TMEM268: variants seen among roughly 807,000 people sequenced by gnomAD.
The protein encoded by TMEM268 is transmembrane protein 268.
A neutral mutation model predicts 39.1 loss-of-function variants in TMEM268; 24 were observed. The ratio of observed to expected loss-of-function variants is 0.61; its 90% CI spans 0.44 to 0.86. The LOEUF (loss-of-function observed/expected upper bound fraction) is 0.86. TMEM268 is among the 40% of genes least tolerant of loss of function. TMEM268 has a pLI of 0.00. For synonymous variants in TMEM268, 176 were observed against 173.5 expected (o/e 1.01, Z -0.12); for missense variants, 409 against 428.6 (o/e 0.95, Z 0.40).
rs377703138 is a variant in TMEM268 at position 114,633,874 on chromosome 9, T to C, written c.581T>C (p.Ile194Thr). ...ACAGTGGAAGGATGCCAGAGTGTGA[T>C]TCAGGTGCTGTGTCTCATAGTTACC... Reference protein sequence around the residue: ...TDTVEGCQSVIQLWFVYFDLE... With the variant: ...TDTVEGCQSVTQLWFVYFDLE... The change falls in exon 6 of 9, where the codon ATT becomes ACT. Residue 194 changes from isoleucine (I) to threonine (T), a missense_variant. Ile to Thr is a moderately conservative substitution (Grantham distance 89). Coordinates refer to ENST00000288502, the MANE Select transcript of TMEM268 (RefSeq NM_153045.4). 2 of 1,580,584 alleles carry C rather than the reference T, an allele frequency of 1.3e-6. No homozygotes were observed. The highest frequency in any genetic ancestry group is 1.7e-6 in the Non-Finnish European group (2 of 1,160,288).
In TMEM268 at chr9:114,611,534, G is replaced by GGCGGCGGCT. The variant is rs1273459454; in HGVS notation, c.-101_-100insTGCGGCGGC. ...CCCCCGACCTTCCGCGTCCCGGGGT[G>GGCGGCGGCT]GCGGCGGCGGCGGCGGCGGCGGCGC... On this transcript the variant is annotated 5_prime_UTR_variant, in exon 1 of 9. Coordinates refer to ENST00000288502, the MANE Select transcript of TMEM268 (RefSeq NM_153045.4). 1 of 47,968 alleles carries GGCGGCGGCT rather than the reference G, an allele frequency of 2.1e-5. No homozygotes were observed. The highest frequency in any genetic ancestry group is 4.9e-4 in the South Asian group (1 of 2,024). The allele number at this position is 47,968 out of a possible 1,614,324, so 3.0% of individuals were successfully genotyped here. A position where few individuals can be genotyped will look rare whatever the true frequency, so the allele number is the denominator to read the frequency against.
chr9:114,614,338 C>T (rs527288652), intron 1 of TMEM268, among the ~76,000 whole-genome samples: 47 of 152,316 alleles, frequency 3.1e-4, no homozygotes, highest in Non-Finnish European at 5.1e-4. Context: ...AGCTGAAAAT[C>T]GGGGCCAGCT....
At chr9:114,624,300 G>A in intron 2 of TMEM268, 50 bp from the exon 3 acceptor site, 2 of 1,554,944 alleles carry the variant, frequency 1.3e-6, no homozygotes, top group Non-Finnish European at 8.7e-7. Flanking sequence ...CACCCCACGA[G>A]CCTGGTATGG....
chr9:114,638,227 T>A (rs112312545), intron 7 of TMEM268, among the ~76,000 whole-genome samples: 9,491 of 152,106 alleles, frequency 0.062, 468 homozygotes, highest in South Asian at 0.19. Context: ...TTTTTAGTGG[T>A]GACTGGGTTT....
intron 5 of TMEM268, among the ~76,000 whole-genome samples, chr9:114,628,722 A>T (rs1846266791): frequency 6.6e-6 from 1 of 152,062 alleles, no homozygotes; most frequent in South Asian, 2.1e-4. Context: ...CTCTAATCCC[A>T]GCAATGACCT....
intron 5 of TMEM268, among the ~76,000 whole-genome samples, chr9:114,631,167 G>A (rs7047491): frequency 0.66 from 100,299 of 151,708 alleles, 33,608 homozygotes; most frequent in Non-Finnish European, 0.72. Context: ...TAAAATCAGC[G>A]GGGTGTGGTG....
At chr9:114,609,820 CAAA>C (rs1268815945), upstream of TMEM268, among the ~76,000 whole-genome samples, 3 of 142,408 alleles carry the variant, frequency 2.1e-5, no homozygotes. Context: ...GAAAAAGAAA[CAAA>C]GAAAGAAAGA....
rs148625500 is a variant in TMEM268, at chr9:114,628,249, A to G, written c.473A>G (p.Lys158Arg). 23 of 1,613,620 alleles carry G rather than the reference A, an allele frequency of 1.4e-5. No homozygotes were observed. In the African/African-American group the frequency reaches 2.8e-4, roughly 20 times the overall value. The change falls in exon 5 of 9, where the codon AAG becomes AGG. Residue 158 changes from lysine (K) to arginine (R), a missense_variant and splice_region_variant. Transcript: ENST00000288502. ...LVLVFERHQKKANTNTDLRLA... is the reference protein window; with the variant it reads ...LVLVFERHQKRANTNTDLRLA... ...CTGGTCTTTGAAAGACACCAGAAGA[A>G]GGTGAGATGTCTGGAGATCCCTGCC...
chr9:114,614,067 T>C (rs1694335570), intron 1 of TMEM268, among the ~76,000 whole-genome samples: 1 of 152,148 alleles, frequency 6.6e-6, no homozygotes, highest in Non-Finnish European at 1.5e-5. Flanking sequence ...CTATAGGAGG[T>C]AGACCTCTCT....
At chr9:114,627,051 A>G (rs2133649206) in intron 4 of TMEM268, 45 bp downstream of exon 4, 1 of 1,373,920 alleles carries the variant, frequency 7.3e-7, no homozygotes, top group Non-Finnish European at 1.0e-6. Context: ...CTGACAGCTT[A>G]TGGCACCACC....
intron 6 of TMEM268, among the ~76,000 whole-genome samples, chr9:114,635,298 G>T (rs1017630609): frequency 6.6e-6 from 1 of 151,524 alleles, no homozygotes; most frequent in South Asian, 2.1e-4. Context: ...AGCTGAGATT[G>T]TGCCATTGCA....
upstream of TMEM268, among the ~76,000 whole-genome samples, chr9:114,610,518 C>T (rs966501761): frequency 1.3e-5 from 2 of 152,172 alleles, no homozygotes; most frequent in African/African-American, 2.4e-5. Context: ...AAAGGCCTTC[C>T]TTTGTGTAAA....
chr9:114,643,433 G>A lies in TMEM268; in HGVS notation c.*120G>A. The A allele has an allele frequency of 1.2e-6, 1 of 842,806 alleles. No individual in the cohort carries two copies. The highest frequency in any genetic ancestry group is 1.7e-5 in the South Asian group (1 of 58,410). The allele number at this position is 842,806 out of a possible 1,614,324, so 52.2% of individuals were successfully genotyped here. A position where few individuals can be genotyped will look rare whatever the true frequency, so the allele number is the denominator to read the frequency against. On this transcript the variant is annotated 3_prime_UTR_variant, in exon 9 of 9. Coordinates refer to ENST00000288502, the MANE Select transcript of TMEM268 (RefSeq NM_153045.4). Reference sequence around the variant, plus strand: ...AGAAGCATCTGGGGGCACTCCAAAAGGGGCCTGTGATGTCAGCCACTGGGG... The same window carrying A: ...AGAAGCATCTGGGGGCACTCCAAAAAGGGCCTGTGATGTCAGCCACTGGGG...
chr9:114,611,834 A>G (rs914485130), intron 1 of TMEM268, among the ~76,000 whole-genome samples: 5 of 152,028 alleles, frequency 3.3e-5, no homozygotes, highest in Non-Finnish European at 7.4e-5. Flanking sequence ...GGAGAAGGAG[A>G]TCCCCCATCC....
intron 6 of TMEM268, among the ~76,000 whole-genome samples, chr9:114,634,839 A>G (rs918281032): frequency 6.6e-5 from 10 of 152,124 alleles, no homozygotes; most frequent in African/African-American, 2.4e-4. Flanking sequence ...CACACCCAAG[A>G]TGGTGTAGGT....
At chr9:114,621,943 G>A (rs10739423) in intron 2 of TMEM268, among the ~76,000 whole-genome samples, 140,272 of 152,270 alleles carry the variant, frequency 0.92, 64,657 homozygotes, top group East Asian at 1. Flanking sequence ...AGGCATTGGT[G>A]TCATCTGATC....
Position 114,638,736 on chromosome 9 carries a change from A to C in TMEM268, c.849+10A>C, listed in dbSNP as rs41278671. 0.045 allele frequency: 69,971 copies of C among 1,541,952 alleles called. 2,366 individuals carry two copies. The highest frequency in any genetic ancestry group is 0.15 in the African/African-American group (10,866 of 72,020). ...TGAGGCTGAGCCGGAGGTAACAGGCACTGGGGCTTGTTGGGGCCATCTTCC... is the reference window on the plus strand; with the variant it reads ...TGAGGCTGAGCCGGAGGTAACAGGCCCTGGGGCTTGTTGGGGCCATCTTCC... On this transcript the variant is annotated intron_variant, in intron 8 of 8. Transcript: ENST00000288502.
In TMEM268 at chr9:114,645,603, A is replaced by C. The variant is rs1275414856; in HGVS notation, c.*2290A>C. 4 of 152,382 alleles carry C rather than the reference A, an allele frequency of 2.6e-5. No individual in the cohort carries two copies. Among genetic ancestry groups the C allele is most frequent in the Non-Finnish European group, 5.9e-5 (4 of 68,042 alleles). 9.4% of individuals were successfully genotyped at this position (152,382 alleles called of 1,614,324 possible). Reference sequence around the variant, plus strand: ...GAAATGTTGGCTGTGAATGTGACCAATAGAAAGAAGCCCGTATTTCTCAGT... The same window carrying C: ...GAAATGTTGGCTGTGAATGTGACCACTAGAAAGAAGCCCGTATTTCTCAGT... On this transcript the variant is annotated 3_prime_UTR_variant, in exon 9 of 9. Coordinates refer to ENST00000288502, the MANE Select transcript of TMEM268 (RefSeq NM_153045.4).
Position 114,622,398 on chromosome 9 carries a change from C to G in TMEM268, c.107-1952C>G, listed in dbSNP as rs1281198460. On this transcript the variant is annotated intron_variant, in intron 2 of 8. Transcript: ENST00000288502. ...CCAGGGCTGGAATCTCTCCCACCCC[C>G]CAGACCTCCTGGCTGCTGACCAGTG... The G allele has an allele frequency of 1.4e-5, 14 of 985,238 alleles. No individual in the cohort carries two copies. In the South Asian group the frequency reaches 1.9e-4, roughly 13 times the overall value. 61.0% of individuals were successfully genotyped at this position (985,238 alleles called of 1,614,324 possible).
Sources: gnomAD v4.1 joint callset for allele counts (sites outside exome capture counted in the v4.1 genomes callset) on GRCh38, gnomAD v4.1.1 for gene constraint, MANE v1.5 for transcripts, NCBI Gene and HGNC (gene_info 2026-07-23, HGNC 2026-07-21) for gene names.